Variants in ANO2 observed in about 807,000 individuals in gnomAD.
ANO2 encodes anoctamin 2.
ANO2 carries 101 observed loss-of-function variants against 124.2 expected under a neutral mutation model. The observed-to-expected ratio is 0.81, with a 90% CI of 0.69 to 0.96. The LOEUF (loss-of-function observed/expected upper bound fraction) is 0.96. Among genes scored for constraint, ANO2 ranks in the 40% least tolerant of loss-of-function variants. The pLI is 0.00. For synonymous variants in ANO2, 486 were observed against 482.5 expected (o/e 1.01, Z -0.09); for missense variants, 1,293 against 1,274.5 (o/e 1.01, Z -0.22).
At chr12:5,774,924 G>A (rs972861552) in intron 10 of ANO2, among the ~76,000 whole-genome samples, 7 of 152,038 alleles carry the variant, frequency 4.6e-5, no homozygotes, top group African/African-American at 9.7e-5. Context: ...AAAATTTGTC[G>A]CCCTTTCCTC....
At chr12:5,857,115 C>A (rs531709016) in intron 3 of ANO2, among the ~76,000 whole-genome samples, 10 of 152,280 alleles carry the variant, frequency 6.6e-5, no homozygotes, top group African/African-American at 1.9e-4. Context: ...ACAACCATCA[C>A]CGAATGCATC....
intron 23 of ANO2, among the ~76,000 whole-genome samples, chr12:5,566,648 T>A (rs1941779623): frequency 6.6e-6 from 1 of 152,152 alleles, no homozygotes; most frequent in South Asian, 2.1e-4. Context: ...CCCGGGTCAA[T>A]CCCTGAGCAA....
At chr12:5,922,489 A>G (rs554198957) in intron 2 of ANO2, 131 bp downstream of exon 2, 90 of 1,046,790 alleles carry the variant, frequency 8.6e-5, no homozygotes, top group Admixed American at 2.2e-4. Context: ...AAAAGGCCCT[A>G]CCCAAACCTA....
chr12:5,921,869 G>A (rs544168661), intron 2 of ANO2, among the ~76,000 whole-genome samples: 2 of 152,058 alleles, frequency 1.3e-5, no homozygotes, highest in South Asian at 4.2e-4. Context: ...AGGCACCATG[G>A]CCCACACACG....
chr12:5,902,230 A>G (rs1400308135), intron 3 of ANO2, among the ~76,000 whole-genome samples: 1 of 152,108 alleles, frequency 6.6e-6, no homozygotes, highest in East Asian at 1.9e-4. Flanking sequence ...TTTTTAAAAA[A>G]CTCACGATAA....
At chr12:5,720,515 CA>C (rs1341878397) in intron 14 of ANO2, among the ~76,000 whole-genome samples, 1 of 151,982 alleles carries the variant, frequency 6.6e-6, no homozygotes, top group South Asian at 2.1e-4. Context: ...TCATTTAAAC[CA>C]AAAAAAGAAA....
intron 14 of ANO2, among the ~76,000 whole-genome samples, chr12:5,723,203 C>T (rs969824751): frequency 6.6e-6 from 1 of 152,292 alleles, no homozygotes; most frequent in East Asian, 1.9e-4. Flanking sequence ...CCTCTGCTAC[C>T]ACCTCCCCAG....
At chr12:5,593,284 G>A (rs1296388479) in intron 20 of ANO2, among the ~76,000 whole-genome samples, 1 of 152,188 alleles carries the variant, frequency 6.6e-6, no homozygotes, top group Non-Finnish European at 1.5e-5. Flanking sequence ...AAGGCTGTAA[G>A]GGAGATAATT....
At chr12:5,923,231 C>G (rs1395069546) in intron 1 of ANO2, among the ~76,000 whole-genome samples, 1 of 148,704 alleles carries the variant, frequency 6.7e-6, no homozygotes, top group African/African-American at 2.5e-5. Flanking sequence ...CACACATGCA[C>G]ACATACACAC....
intron 16 of ANO2, among the ~76,000 whole-genome samples, 172 bp from the exon 17 acceptor site, chr12:5,615,469 TG>T (rs1405030940): frequency 6.6e-6 from 1 of 152,156 alleles, no homozygotes; most frequent in African/African-American, 2.4e-5. Flanking sequence ...CCAGGTGGTC[TG>T]CCAGGTAATA....
intron 10 of ANO2, among the ~76,000 whole-genome samples, chr12:5,786,749 C>T (rs1051002387): frequency 2.0e-5 from 3 of 152,180 alleles, no homozygotes; most frequent in African/African-American, 7.2e-5. Flanking sequence ...TAAAGTGGAG[C>T]AAAGCAGTTA....
rs746091886 is a variant in ANO2 at position 5,832,601 on chromosome 12, C to A, written c.636G>T (p.Met212Ile). 6.2e-7 allele frequency: 1 copy of A among 1,611,490 alleles called. No homozygotes were observed. Among genetic ancestry groups the A allele is most frequent in the Non-Finnish European group, 8.5e-7 (1 of 1,178,852 alleles). ...FLKIKVPTKKMYEIKAGGSIA... is the reference protein window; with the variant it reads ...FLKIKVPTKKIYEIKAGGSIA... ...TGCTGCCTCCTGCTTTGATCTCGTACATCTATGAAAGGAAGAGCCACAGGT... is the reference window on the plus strand; with the variant it reads ...TGCTGCCTCCTGCTTTGATCTCGTAAATCTATGAAAGGAAGAGCCACAGGT... The change falls in exon 5 of 25, where the codon ATG becomes ATT. Residue 212 changes from methionine (M) to isoleucine (I), a missense_variant and splice_region_variant. By Grantham distance (10) the Met-to-Ile change is conservative (BLOSUM62 1). Transcript: ENST00000682330.
chr12:5,923,227 T>TACACACACAC (rs1941898099), intron 1 of ANO2, among the ~76,000 whole-genome samples: 1 of 74,016 alleles, frequency 1.4e-5, no homozygotes, highest in African/African-American at 4.2e-5. Flanking sequence ...CACACACACA[T>TACACACACAC]GCACACATAC....
chr12:5,668,926 C>T (rs1947862678), intron 14 of ANO2, among the ~76,000 whole-genome samples: 1 of 152,136 alleles, frequency 6.6e-6, no homozygotes, highest in Admixed American at 6.5e-5. Context: ...TGTACCAGCA[C>T]CATGGCGTTT....
In ANO2 at chr12:5,748,082, GTC is replaced by G. The variant is rs1951324132; in HGVS notation, c.1190+2752_1190+2753del. Among the ~76,000 whole-genome samples the G allele has an allele frequency of 1.3e-5, 2 of 151,646 alleles. 1 individual carries two copies. Among genetic ancestry groups the G allele is most frequent in the South Asian group, 4.2e-4 (2 of 4,774 alleles). On this transcript the variant is annotated intron_variant, in intron 11 of 24. Transcript: ENST00000682330. ...AGTGTGTGTGAATGTGGGTGTGTGC[GTC>G]TGTGTGTAGACATCTGTGTGCGCGT...
At position 5,925,630 on chromosome 12, in the gene ANO2, G is replaced by C. The variant is rs1054544553; in HGVS notation, c.23-2826C>G. Among the ~76,000 whole-genome samples the C allele has an allele frequency of 6.6e-6, 1 of 152,204 alleles. No homozygotes were observed. The highest frequency in any genetic ancestry group is 6.5e-5 in the Admixed American group (1 of 15,286). ...AGAACTCCCTAAGAAGCTTAGAAGA[G>C]GTGAATGAGGTCAATTAGAAGGAAA... On this transcript the variant is annotated intron_variant, in intron 1 of 24. Coordinates refer to ENST00000682330, the MANE Select transcript of ANO2 (RefSeq NM_001364791.2). This position sits in a 1 kb window ranked among gnomAD's most constrained non-coding sequence, Gnocchi z 4.6.
intron 3 of ANO2, among the ~76,000 whole-genome samples, chr12:5,913,004 T>C (rs1055646658): frequency 6.6e-6 from 1 of 152,066 alleles, no homozygotes; most frequent in Non-Finnish European, 1.5e-5. Context: ...GAGGAGAAAA[T>C]AGCCTCATTT....
intron 3 of ANO2, among the ~76,000 whole-genome samples, chr12:5,911,888 C>A (rs1941072534): frequency 6.6e-6 from 1 of 152,174 alleles, no homozygotes; most frequent in Admixed American, 6.5e-5. Context: ...TCCTATGATC[C>A]CATCTTCTCA....
At chr12:5,863,137 A>G (rs1430315523) in intron 3 of ANO2, among the ~76,000 whole-genome samples, 1 of 152,048 alleles carries the variant, frequency 6.6e-6, no homozygotes, top group African/African-American at 2.4e-5. Flanking sequence ...TTCTTTATAA[A>G]TTACCCAGTC....
Sources: gnomAD v4.1 joint callset for allele counts (sites outside exome capture counted in the v4.1 genomes callset) on GRCh38, gnomAD v4.1.1 for gene constraint, Gnocchi (gnomAD v3.1) non-coding constraint, MANE v1.5 for transcripts, NCBI Gene and HGNC (gene_info 2026-07-23, HGNC 2026-07-21) for gene names.